The following PCSK5 variants were observed in gnomAD, a reference collection of about 807,000 sequenced individuals.
PCSK5 encodes proprotein convertase subtilisin/kexin type 5, also known as prohormone convertase 5.
In PCSK5, 129 loss-of-function variants were observed where a neutral mutation model predicts 233.2. The observed-to-expected ratio is 0.55, with a 90% CI of 0.48 to 0.64. The LOEUF is 0.64. Among genes scored for constraint, PCSK5 ranks in the 30% least tolerant of loss-of-function variants. The pLI, the probability that PCSK5 is intolerant of heterozygous loss-of-function variation, is 0.00. For synonymous variants in PCSK5, 825 were observed against 879.2 expected (o/e 0.94, Z 1.09); for missense variants, 2,076 against 2,430.1 (o/e 0.85, Z 3.06).
At chr9:75,902,313 T>G (rs1343620199) in intron 1 of PCSK5, among the ~76,000 whole-genome samples, 2 of 146,248 alleles carry the variant, frequency 1.4e-5, no homozygotes, top group African/African-American at 5.1e-5. Context: ...TCTGGGAAAC[T>G]AGGAGGCAAA....
chr9:76,195,146 C>T (rs893446238), intron 20 of PCSK5: 5 of 155,270 alleles, frequency 3.2e-5, no homozygotes, highest in African/African-American at 4.8e-5. Context: ...CAGTCTTCCC[C>T]TTATAACACC....
chr9:76,234,689 T>G (rs1443794487), intron 22 of PCSK5, among the ~76,000 whole-genome samples: 1 of 152,234 alleles, frequency 6.6e-6, no homozygotes, highest in Non-Finnish European at 1.5e-5. Context: ...CTTACTTCTT[T>G]AAGAGTTTTT....
At chr9:76,353,963 C>T in intron 36 of PCSK5, 70 bp from the exon 37 acceptor site, 1 of 1,090,314 alleles carries the variant, frequency 9.2e-7, no homozygotes, top group South Asian at 1.6e-5. Flanking sequence ...AGATGAGATA[C>T]AATCTGGGAA....
rs555172144 is a variant in PCSK5, at chr9:75,894,598, G to T, written c.192+3225G>T. Among the ~76,000 whole-genome samples, 3 of 152,292 alleles carry T rather than the reference G, an allele frequency of 2.0e-5. No homozygotes were observed. The South Asian group carries it at 6.2e-4, about 32-fold the overall frequency. ...TACTTAACCATAATCATTGTTAGTT[G>T]TTGTCATGTTAGCATATATTATCTT... On this transcript the variant is annotated intron_variant, in intron 1 of 37. Transcript: ENST00000674117.
At chr9:75,901,174 A>G (rs558106959) in intron 1 of PCSK5, among the ~76,000 whole-genome samples, 1 of 152,316 alleles carries the variant, frequency 6.6e-6, no homozygotes, top group Non-Finnish European at 1.5e-5. Flanking sequence ...ATGAACACGT[A>G]TGTTTATTGC....
intron 1 of PCSK5, among the ~76,000 whole-genome samples, chr9:75,929,861 CT>C (rs146665133): frequency 0.067 from 9,095 of 135,126 alleles, 311 homozygotes; most frequent in African/African-American, 0.076. Context: ...TGTCAGATCT[CT>C]TTTTTTTTTT....
intron 27 of PCSK5, among the ~76,000 whole-genome samples, chr9:76,301,423 T>A (rs1338239826): frequency 6.6e-6 from 1 of 152,166 alleles, no homozygotes; most frequent in Non-Finnish European, 1.5e-5. Flanking sequence ...CAAGAATGTA[T>A]ACTCACAAAG....
chr9:76,342,291 T>C (rs1829855989), intron 35 of PCSK5, among the ~76,000 whole-genome samples: 1 of 152,128 alleles, frequency 6.6e-6, no homozygotes, highest in Non-Finnish European at 1.5e-5. Context: ...ACTCTACTAA[T>C]CCAAATGCCT....
chr9:75,955,966 G>A (rs1825077311), intron 2 of PCSK5, among the ~76,000 whole-genome samples: 1 of 152,114 alleles, frequency 6.6e-6, no homozygotes, highest in African/African-American at 2.4e-5. Flanking sequence ...TGGTACAAAT[G>A]AGAAAACAAA....
rs757550088 is a variant in PCSK5 at position 76,040,325 on chromosome 9, GTCTCTCTCTCTCTCTCTCTC to G, written c.632+13328_632+13347del. 4.8e-3 allele frequency among the ~76,000 whole-genome samples: 383 copies of G among 79,044 alleles called. 3 individuals are homozygous for G. The East Asian group carries it at 0.049, about 10-fold the overall frequency. 51.9% of individuals were successfully genotyped at this position (79,044 alleles called of 152,430 possible). A position where few individuals can be genotyped will look rare whatever the true frequency, so the allele number is the denominator to read the frequency against. On this transcript the variant is annotated intron_variant, in intron 5 of 37. Coordinates refer to ENST00000674117, the MANE Select transcript of PCSK5 (RefSeq NM_001372043.1). ...TCTCACTCCCTTAGATGTGTTCTCT[GTCTCTCTCTCTCTCTCTCTC>G]TCTCTCTCTCTCTCTCTCTCTCTCT...
intron 2 of PCSK5, among the ~76,000 whole-genome samples, chr9:75,977,768 G>T (rs144246762): frequency 6.6e-6 from 1 of 151,342 alleles, no homozygotes; most frequent in Admixed American, 6.6e-5. Flanking sequence ...CTCCCACCAC[G>T]CACGGCTAAT....
chr9:76,041,376 C>A (rs1829109090), intron 5 of PCSK5, among the ~76,000 whole-genome samples: 1 of 152,048 alleles, frequency 6.6e-6, no homozygotes, highest in African/African-American at 2.4e-5. Context: ...ACTGACAGTG[C>A]CCTGGTATTA....
rs559898705 is a variant in PCSK5, at chr9:75,932,158, G to A, written c.193-221G>A. 1.4e-4 allele frequency among the ~76,000 whole-genome samples: 22 copies of A among 152,264 alleles called. No individual in the cohort carries two copies. The South Asian group carries it at 3.1e-3, about 22-fold the overall frequency. On this transcript the variant is annotated intron_variant, in intron 1 of 37. Transcript: ENST00000674117. ...CTGCCCCATTATAATCTTCAGTTCC[G>A]CAGTCACTGCCTCAAGGACACTCCA...
At chr9:76,309,273 A>C (rs1279379650) in intron 29 of PCSK5, among the ~76,000 whole-genome samples, 4 of 152,232 alleles carry the variant, frequency 2.6e-5, no homozygotes, top group African/African-American at 9.6e-5. Flanking sequence ...GGGAGGAAGG[A>C]ATAAGAGCAG....
At chr9:76,095,575 G>A (rs1017147587) in intron 7 of PCSK5, among the ~76,000 whole-genome samples, 3 of 152,092 alleles carry the variant, frequency 2.0e-5, no homozygotes, top group South Asian at 2.1e-4. Flanking sequence ...ACAGCATAAC[G>A]GGGACAGGAA....
intron 12 of PCSK5, among the ~76,000 whole-genome samples, chr9:76,165,540 C>A (rs1275810657): frequency 1.3e-5 from 2 of 152,200 alleles, no homozygotes. Context: ...ATCTTTTCTA[C>A]CAGGCTTCAT....
intron 21 of PCSK5, among the ~76,000 whole-genome samples, chr9:76,229,696 AT>A (rs1289179527): frequency 1.3e-5 from 2 of 152,242 alleles, no homozygotes; most frequent in Non-Finnish European, 2.9e-5. Context: ...CAAGTCAACA[AT>A]CAGCAAAGAG....
chr9:76,264,033 C>T (rs1827262256), intron 24 of PCSK5, among the ~76,000 whole-genome samples: 1 of 152,080 alleles, frequency 6.6e-6, no homozygotes, highest in Non-Finnish European at 1.5e-5. Flanking sequence ...AAGCTGGAGG[C>T]ATTACATTAC....
At chr9:76,209,927 T>A (rs1825266779) in intron 20 of PCSK5, among the ~76,000 whole-genome samples, 1 of 152,122 alleles carries the variant, frequency 6.6e-6, no homozygotes, top group Non-Finnish European at 1.5e-5. Flanking sequence ...AGGAGGCTAC[T>A]TTGAGTTGTA....
Sources: allele counts gnomAD v4.1 joint callset (sites outside exome capture counted in the v4.1 genomes callset), GRCh38; gene constraint gnomAD v4.1.1; transcripts MANE v1.5; gene names NCBI Gene and HGNC (gene_info 2026-07-23, HGNC 2026-07-21).